The following PTPN18 variants were observed in gnomAD, a reference collection of about 807,000 sequenced individuals.
PTPN18 encodes tyrosine-protein phosphatase non-receptor type 18.
A neutral mutation model predicts 65.4 loss-of-function variants in PTPN18; 65 were observed. That is an observed-to-expected ratio of 0.99 (90% CI 0.81 to 1.22). PTPN18 has a LOEUF of 1.22. PTPN18 is among the 50% of genes most tolerant of loss of function. PTPN18 has a pLI of 0.00. For missense variants in PTPN18, 616 were observed against 646.5 expected (o/e 0.95, Z 0.51); for synonymous variants, 255 against 267.8 (o/e 0.95, Z 0.47).
At chr2:130,362,944 C>T (rs984303337) in intron 5 of PTPN18, among the ~76,000 whole-genome samples, 1 of 151,808 alleles carries the variant, frequency 6.6e-6, no homozygotes, top group Non-Finnish European at 1.5e-5. Context: ...CTCAGCCTCC[C>T]GAGTAGCTAG....
chr2:130,359,490 A>G lies in PTPN18; in HGVS notation c.373A>G (p.Lys125Glu), dbSNP rs533077025. The G allele has an allele frequency of 6.2e-7, 1 of 1,614,128 alleles. No individual in the cohort carries two copies. Among genetic ancestry groups the G allele is most frequent in the Admixed American group, 1.7e-5 (1 of 60,014 alleles). Residue 125 changes from lysine (K) to glutamate (E), a missense_variant and splice_region_variant, in exon 4 of 15, where the codon AAG (lysine) becomes GAG (glutamate). Around this residue, in one of 3 missense-constraint regions of PTPN18, gnomAD observed 223 missense variants for 210.0 expected, o/e 1.06. Transcript: ENST00000175756. ...GAGACTGGTCTGGGAGTTTGGGGTC[A>G]AGGTCAGCACTTGGGGGTGCGGCAC... ...FWRLVWEFGV[K>E]VILMACREIE...
At position 130,356,088 on chromosome 2, in the gene PTPN18, C is replaced by T; in HGVS notation, c.-20C>T. 1 of 1,276,212 alleles carries T rather than the reference C, an allele frequency of 7.8e-7. No homozygotes were observed. Among genetic ancestry groups the T allele is most frequent in the Non-Finnish European group, 9.9e-7 (1 of 1,012,938 alleles). The allele number at this position is 1,276,212 out of a possible 1,614,324, so 79.1% of individuals were successfully genotyped here. On this transcript the variant is annotated 5_prime_UTR_variant, in exon 1 of 15. Coordinates refer to ENST00000175756, the MANE Select transcript of PTPN18 (RefSeq NM_014369.4). ...CCGCGCGCGCGGCGGCCGGGCTGGA[C>T]CTTGCTGGCCCGCGGCGCCATGAGC...
intron 5 of PTPN18, 29 bp from the exon 6 acceptor site, chr2:130,369,104 C>G (rs1680472083): frequency 6.3e-7 from 1 of 1,587,092 alleles, no homozygotes; most frequent in Non-Finnish European, 8.6e-7. Context: ...TCTTCTCACT[C>G]CCTGCCTTTT....
Position 130,373,066 on chromosome 2 carries a change from C to A in PTPN18, c.1316-91C>A. The A allele has an allele frequency of 6.5e-7, 1 of 1,544,546 alleles. No individual in the cohort carries two copies. Among genetic ancestry groups the A allele is most frequent in the Non-Finnish European group, 8.9e-7 (1 of 1,128,510 alleles). On this transcript the variant is annotated intron_variant, in intron 14 of 14. Transcript: ENST00000175756. The surrounding 1 kb of genome is among the most constrained non-coding windows in gnomAD (Gnocchi z 4.1). Reference sequence around the variant, plus strand: ...ATGTGGCTGCAGTGAACCAGGAGGACCTGGAGGCGGGGGGATGGCCTTCTT... The same window carrying A: ...ATGTGGCTGCAGTGAACCAGGAGGAACTGGAGGCGGGGGGATGGCCTTCTT...
At position 130,370,111 on chromosome 2, in the gene PTPN18, C is replaced by T; in HGVS notation, c.610C>T (p.Pro204Ser). ...SWPDRGVPSS[P>S]DHMLAMVEEA... ...GCCAGACCGTGGGGTCCCCAGCAGT[C>T]CTGACCACATGCTCGCCATGGTGGA... The change falls in exon 8 of 15, where the codon CCT (proline) becomes TCT (serine). Residue 204 changes from proline (P) to serine (S), a missense_variant. Around this residue, in one of 3 missense-constraint regions of PTPN18, gnomAD observed 368 missense variants for 386.7 expected, o/e 0.95. Coordinates refer to ENST00000175756, the MANE Select transcript of PTPN18 (RefSeq NM_014369.4). The T allele has an allele frequency of 3.1e-6, 5 of 1,614,160 alleles. No homozygotes were observed. Among genetic ancestry groups the T allele is most frequent in the Non-Finnish European group, 4.2e-6 (5 of 1,180,040 alleles).
intron 5 of PTPN18, chr2:130,368,792 C>T (rs1298332114): frequency 5.6e-6 from 1 of 177,028 alleles, no homozygotes; most frequent in African/African-American, 2.4e-5. Context: ...GTGACACTTC[C>T]ATGCAATAAG....
chr2:130,361,504 T>TTTTCTTTCTCTTTCTTTCTTTC (rs1558841982), intron 5 of PTPN18, among the ~76,000 whole-genome samples: 18 of 141,270 alleles, frequency 1.3e-4, no homozygotes, highest in African/African-American at 5.0e-4. Flanking sequence ...AATTTCTTTC[T>TTTTCTTTCTCTTTCTTTCTTTC]TTTCTTTCTC....
Position 130,374,914 on chromosome 2 carries a change from T to C in PTPN18, c.*1690T>C. 1 of 294,926 alleles carries C rather than the reference T, an allele frequency of 3.4e-6. No homozygotes were observed. Among genetic ancestry groups the C allele is most frequent in the Non-Finnish European group, 6.9e-6 (1 of 145,640 alleles). 18.3% of individuals were successfully genotyped at this position (294,926 alleles called of 1,614,324 possible). A position where few individuals can be genotyped will look rare whatever the true frequency, so the allele number is the denominator to read the frequency against. On this transcript the variant is annotated 3_prime_UTR_variant, in exon 15 of 15. Transcript: ENST00000175756. ...ACCCCACCCCTTGGCAGGGTGATGCTGAGGTGTGGATTTTTAACAGTTCCC... is the reference window on the plus strand; with the variant it reads ...ACCCCACCCCTTGGCAGGGTGATGCCGAGGTGTGGATTTTTAACAGTTCCC...
chr2:130,364,099 C>A (rs908575228), intron 5 of PTPN18, among the ~76,000 whole-genome samples: 1 of 152,074 alleles, frequency 6.6e-6, no homozygotes, highest in African/African-American at 2.4e-5. Flanking sequence ...CCATTTAAAC[C>A]ATTTCAAGTG....
At chr2:130,369,106 C>T (rs1345686673) in intron 5 of PTPN18, 27 bp from the exon 6 acceptor site, 1 of 1,590,774 alleles carries the variant, frequency 6.3e-7, no homozygotes. Flanking sequence ...TTCTCACTCC[C>T]TGCCTTTTCT....
Position 130,372,458 on chromosome 2 carries a change from CG to C in PTPN18, c.1216del (p.Ala406ArgfsTer33), listed in dbSNP as rs1052263404. 7.3e-7 allele frequency: 1 copy of C among 1,371,934 alleles called. No individual in the cohort carries two copies. Among genetic ancestry groups the C allele is most frequent in the Non-Finnish European group, 9.3e-7 (1 of 1,070,322 alleles). 85.0% of individuals were successfully genotyped at this position (1,371,934 alleles called of 1,614,324 possible). Reference sequence around the variant, plus strand: ...AGCGACCCGGGGCGCACGCGGAGGACGCGAGGGGGACGCTGCCTGGCCGCGG... The same window carrying C: ...AGCGACCCGGGGCGCACGCGGAGGACCGAGGGGGACGCTGCCTGGCCGCGG... ...AQRPGAHAED[A>X]RGTLPGRVPA... On this transcript the variant is annotated frameshift_variant, in exon 13 of 15. Transcript: ENST00000175756. LOFTEE classifies it high-confidence loss of function.
chr2:130,358,846 C>A (rs1325836841), intron 1 of PTPN18, 21 bp from the exon 2 acceptor site: 5 of 1,592,444 alleles, frequency 3.1e-6, no homozygotes, highest in Non-Finnish European at 4.3e-6. Context: ...CCTCCCTGAC[C>A]CACTCATAAT....
chr2:130,358,816 G>T, intron 1 of PTPN18, 51 bp from the exon 2 acceptor site: 1 of 1,505,004 alleles, frequency 6.6e-7, no homozygotes, highest in Non-Finnish European at 9.2e-7. Flanking sequence ...CTCTGACCTG[G>T]CTCCTCTCCT....
intron 13 of PTPN18, 155 bp from the exon 14 acceptor site, chr2:130,372,718 A>G (rs1680615609): frequency 9.7e-7 from 1 of 1,025,814 alleles, no homozygotes; most frequent in East Asian, 2.5e-5. Flanking sequence ...GCCGCGCCCA[A>G]AGGCTGGAGG....
rs1230984426 is a variant in PTPN18 at position 130,370,566 on chromosome 2, T to C, written c.699T>C (p.Cys233=). The part of the protein sequence containing the change: ...EPLCVHCSAG[C]GRTGVLCTVD... ...CTGATTCTCTTGTCAGTGCGGGTTG[T>C]GGGCGAACAGGCGTCCTGTGCACCG... The change falls in exon 9 of 15, where the codon TGT becomes TGC. Residue 233 remains cysteine (C), a synonymous_variant. Transcript: ENST00000175756. 1 of 1,613,996 alleles carries C rather than the reference T, an allele frequency of 6.2e-7. No homozygotes were observed. The highest frequency in any genetic ancestry group is 2.2e-5 in the East Asian group (1 of 44,882).
intron 5 of PTPN18, among the ~76,000 whole-genome samples, chr2:130,366,188 C>T (rs1019118491): frequency 2.0e-5 from 3 of 152,342 alleles, no homozygotes; most frequent in South Asian, 4.1e-4. Flanking sequence ...TATGCCTGAA[C>T]TGTTAATACA....
rs574624614 is a variant in PTPN18, at chr2:130,368,849, C to G, written c.415-284C>G. ...CCACAGTACTGCAACACCTGCCAACCAGTGTCTGAAAATAGTGGCTCATGT... is the reference window on the plus strand; with the variant it reads ...CCACAGTACTGCAACACCTGCCAACGAGTGTCTGAAAATAGTGGCTCATGT... On this transcript the variant is annotated intron_variant, in intron 5 of 14. Transcript: ENST00000175756. The G allele has an allele frequency of 6.5e-5, 18 of 275,920 alleles. No homozygotes were observed. In the East Asian group the frequency reaches 1.1e-3, roughly 17 times the overall value. 17.1% of individuals were successfully genotyped at this position (275,920 alleles called of 1,614,324 possible). A position where few individuals can be genotyped will look rare whatever the true frequency, so the allele number is the denominator to read the frequency against.
At position 130,372,378 on chromosome 2, in the gene PTPN18, G is replaced by C. The variant is rs2104954979; in HGVS notation, c.1135G>C (p.Gly379Arg). 1 of 1,360,798 alleles carries C rather than the reference G, an allele frequency of 7.3e-7. No homozygotes were observed. The highest frequency in any genetic ancestry group is 9.4e-7 in the Non-Finnish European group (1 of 1,062,242). 84.3% of individuals were successfully genotyped at this position (1,360,798 alleles called of 1,614,324 possible). The change falls in exon 13 of 15, where the codon GGG becomes CGG. Residue 379 changes from glycine to arginine, a missense_variant. By Grantham distance (125) the Gly-to-Arg change is moderately radical. This residue lies in a region of PTPN18 where 368 missense variants were observed against 386.7 expected (regional missense o/e 0.95). Coordinates refer to ENST00000175756, the MANE Select transcript of PTPN18 (RefSeq NM_014369.4). ...GTQTGTGTGT[G>R]ARSAEEAPLY... ...GCAGACGGGGACGGGGACGGGGACG[G>C]GGGCGCGCAGCGCGGAGGAGGCGCC...
rs1214369001 is a variant in PTPN18 at position 130,369,850 on chromosome 2, G to C, written c.546+23G>C. On this transcript the variant is annotated intron_variant, in intron 7 of 14. Transcript: ENST00000175756. ...AAGGTACTGTGACAGGGGAGGAGGA[G>C]GTAAAGGGGCTCCTGAAAGGGGAGA... is the stretch of plus-strand genomic sequence containing the variant. 9 of 1,572,074 alleles carry C rather than the reference G, an allele frequency of 5.7e-6. No individual in the cohort carries two copies. In the South Asian group the frequency reaches 1.0e-4, roughly 18 times the overall value.
Sources: gnomAD v4.1 joint callset for allele counts (sites outside exome capture counted in the v4.1 genomes callset) on GRCh38, gnomAD v4.1.1 for gene constraint, gnomAD v4.1.1 regional missense constraint, Gnocchi (gnomAD v3.1) non-coding constraint, MANE v1.5 for transcripts, NCBI Gene and HGNC (gene_info 2026-07-23, HGNC 2026-07-21) for gene names.